Variants in ZEB1 observed in about 807,000 individuals in gnomAD.
ZEB1 encodes the protein zinc finger E-box-binding homeobox 1.
Under a neutral mutation model 84.9 loss-of-function variants are expected in ZEB1, and 21 were observed. The ratio of observed to expected loss-of-function variants is 0.25; its 90% CI spans 0.18 to 0.36. ZEB1 has a LOEUF of 0.36. Among genes scored for constraint, ZEB1 ranks in the 10% least tolerant of loss-of-function variants. ZEB1 has a pLI of 1.00. For synonymous variants in ZEB1, 420 were observed against 471.1 expected (o/e 0.89, Z 1.41); for missense variants, 1,104 against 1,330.2 (o/e 0.83, Z 2.65).
chr10:31,319,329 G>A, intron 1 of ZEB1, 37 bp downstream of exon 1: 3 of 1,592,106 alleles, frequency 1.9e-6, no homozygotes, highest in Non-Finnish European at 2.6e-6. Context: ...GGCGGAGTCA[G>A]GGGGAGCTGG....
At chr10:31,321,651 A>G in intron 1 of ZEB1, 1 of 1,427,714 alleles carries the variant, frequency 7.0e-7, no homozygotes, top group Non-Finnish European at 9.9e-7. Flanking sequence ...TGAACCACCC[A>G]GCGTCTGTGC....
chr10:31,464,248 G>T (rs1340386831), intron 2 of ZEB1, among the ~76,000 whole-genome samples: 8 of 152,092 alleles, frequency 5.3e-5, no homozygotes, highest in Non-Finnish European at 1.2e-4. Context: ...AGCTACTCGG[G>T]AGGCTGAGGC....
intron 1 of ZEB1, among the ~76,000 whole-genome samples, chr10:31,391,060 T>C (rs897870747): frequency 2.0e-5 from 3 of 152,076 alleles, no homozygotes; most frequent in Non-Finnish European, 4.4e-5. Context: ...ACATTATTAT[T>C]TATGTAGGCA....
chr10:31,453,159 C>T lies in ZEB1; in HGVS notation c.59-7878C>T, dbSNP rs1160197243. Among the ~76,000 whole-genome samples, 17 of 152,046 alleles carry T rather than the reference C, an allele frequency of 1.1e-4. 1 individual carries two copies. Among genetic ancestry groups the T allele is most frequent in the Admixed American group, 9.8e-4 (15 of 15,260 alleles). Reference sequence around the variant, plus strand: ...GCAATGAGTGGGATATAGTTAAGCACATATTAAAGGCATAACATAATAAGG... The same window carrying T: ...GCAATGAGTGGGATATAGTTAAGCATATATTAAAGGCATAACATAATAAGG... On this transcript the variant is annotated intron_variant, in intron 1 of 8. Coordinates refer to ENST00000424869, the MANE Select transcript of ZEB1 (RefSeq NM_001174096.2).
At chr10:31,339,660 C>G (rs996289329) in intron 1 of ZEB1, among the ~76,000 whole-genome samples, 1 of 151,772 alleles carries the variant, frequency 6.6e-6, no homozygotes, top group Admixed American at 6.6e-5. Context: ...ATCTCAGCTA[C>G]TCAGGAGGCT....
At chr10:31,387,935 T>C (rs950982231) in intron 1 of ZEB1, 1 of 196,898 alleles carries the variant, frequency 5.1e-6, no homozygotes, top group African/African-American at 2.4e-5. Context: ...AGAATAAATA[T>C]GTTGGTTCTA....
intron 3 of ZEB1, among the ~76,000 whole-genome samples, chr10:31,500,989 G>A (rs952709748): frequency 3.3e-5 from 5 of 152,182 alleles, no homozygotes; most frequent in Non-Finnish European, 5.9e-5. Flanking sequence ...ATTTGTTACT[G>A]TCATTGGTTC....
intron 1 of ZEB1, among the ~76,000 whole-genome samples, chr10:31,455,766 T>C (rs547426049): frequency 6.6e-6 from 1 of 152,302 alleles, no homozygotes; most frequent in East Asian, 1.9e-4. Context: ...CAACAGGTGC[T>C]GGAGAGGATG....
chr10:31,495,714 AT>A (rs1236329609), intron 2 of ZEB1, 61 bp from the exon 3 acceptor site: 1 of 1,581,650 alleles, frequency 6.3e-7, no homozygotes, highest in Non-Finnish European at 8.7e-7. Flanking sequence ...AACTTTAAAC[AT>A]TTGTCTTTCG....
intron 1 of ZEB1, among the ~76,000 whole-genome samples, chr10:31,419,748 G>A (rs780980818): frequency 1.3e-5 from 2 of 152,182 alleles, no homozygotes; most frequent in Non-Finnish European, 2.9e-5. Flanking sequence ...CTTGCCAAGG[G>A]TGAAAACAAA....
At chr10:31,498,988 A>T (rs1029123444) in intron 3 of ZEB1, among the ~76,000 whole-genome samples, 2 of 152,128 alleles carry the variant, frequency 1.3e-5, no homozygotes, top group Non-Finnish European at 2.9e-5. Flanking sequence ...AAAAAGATGA[A>T]ATAAAATTTT....
At chr10:31,360,129 C>G (rs1337276730) in intron 1 of ZEB1, among the ~76,000 whole-genome samples, 1 of 152,178 alleles carries the variant, frequency 6.6e-6, no homozygotes, top group Admixed American at 6.5e-5. Flanking sequence ...TTGGACTTTA[C>G]AATGTTTGCT....
rs200793667 is a variant in ZEB1 at position 31,335,778 on chromosome 10, TAAAC to T, written c.58+16494_58+16497del. ...TGTACTAGAAGTATAGCTAGTACAGTAAACAAACAAAGATACAATGATTAGAAAG... is the reference window on the plus strand; with the variant it reads ...TGTACTAGAAGTATAGCTAGTACAGTAAACAAAGATACAATGATTAGAAAG... On this transcript the variant is annotated intron_variant, in intron 1 of 8. Coordinates refer to ENST00000424869, the MANE Select transcript of ZEB1 (RefSeq NM_001174096.2). Among the ~76,000 whole-genome samples the T allele has an allele frequency of 5.7e-3, 874 of 152,232 alleles. 11 individuals carry two copies. Among genetic ancestry groups the T allele is most frequent in the African/African-American group, 0.02 (822 of 41,546 alleles).
intron 1 of ZEB1, chr10:31,321,528 G>A: frequency 2.5e-6 from 4 of 1,614,000 alleles, no homozygotes; most frequent in Non-Finnish European, 3.4e-6. Context: ...GTGGCTTTAT[G>A]AAAGGTAAGT....
At chr10:31,383,776 A>G (rs1044748775) in intron 1 of ZEB1, among the ~76,000 whole-genome samples, 4 of 152,132 alleles carry the variant, frequency 2.6e-5, no homozygotes, top group African/African-American at 4.8e-5. Context: ...CATTTTTGCC[A>G]TTGCCAAAAG....
intron 1 of ZEB1, among the ~76,000 whole-genome samples, chr10:31,411,655 AAGC>A (rs2054299835): frequency 1.3e-5 from 2 of 150,814 alleles, no homozygotes; most frequent in Admixed American, 6.6e-5. Flanking sequence ...AAAAAAAAAA[AAGC>A]AGCATTAGGA....
rs1279549834 is a variant in ZEB1 at position 31,527,468 on chromosome 10, G to T, written c.*204G>T. The T allele has an allele frequency of 1.5e-6, 1 of 675,030 alleles. No homozygotes were observed. Among genetic ancestry groups the T allele is most frequent in the Non-Finnish European group, 2.4e-6 (1 of 420,972 alleles). 41.8% of individuals were successfully genotyped at this position (675,030 alleles called of 1,614,324 possible). A position where few individuals can be genotyped will look rare whatever the true frequency, so the allele number is the denominator to read the frequency against. ...ACACACACACAAAATAAATCCGGGT[G>T]TGCCTGAACCTCAGACCTAGTAATT... On this transcript the variant is annotated 3_prime_UTR_variant, in exon 9 of 9. Transcript: ENST00000424869.
At chr10:31,349,771 T>A (rs2040986809) in intron 1 of ZEB1, among the ~76,000 whole-genome samples, 1 of 152,196 alleles carries the variant, frequency 6.6e-6, no homozygotes, top group African/African-American at 2.4e-5. Flanking sequence ...TTATTTATTT[T>A]CTTGCTATTT....
Position 31,334,216 on chromosome 10 carries a change from C to T in ZEB1, c.58+14924C>T, listed in dbSNP as rs142224973. ...ACGTATGGAACATTGTATTCCACAA[C>T]TAAAGTAGAGGAGGAACACTTAGAA... On this transcript the variant is annotated intron_variant, in intron 1 of 8. Transcript: ENST00000424869. Among the ~76,000 whole-genome samples the T allele has an allele frequency of 3.6e-4, 55 of 152,126 alleles. No individual in the cohort carries two copies. The East Asian group carries it at 9.4e-3, about 26-fold the overall frequency.
Sources: gnomAD v4.1 joint callset for allele counts (sites outside exome capture counted in the v4.1 genomes callset) on GRCh38, gnomAD v4.1.1 for gene constraint, MANE v1.5 for transcripts, NCBI Gene and HGNC (gene_info 2026-07-23, HGNC 2026-07-21) for gene names.